The following KCTD1 variants were observed in gnomAD, a reference collection of about 807,000 sequenced individuals.
The protein encoded by KCTD1 is BTB/POZ domain-containing protein KCTD1.
A neutral mutation model predicts 66.0 loss-of-function variants in KCTD1; 24 were observed. The observed-to-expected ratio is 0.36, with a 90% CI of 0.26 to 0.51. The LOEUF is 0.51. Ranked by LOEUF, KCTD1 falls within the 20% of genes least tolerant of loss-of-function variation. The pLI is 0.95. For synonymous variants in KCTD1, 511 were observed against 517.2 expected (o/e 0.99, Z 0.16); for missense variants, 943 against 1,205.2 (o/e 0.78, Z 3.22).
At chr18:26,535,962 T>G (rs1350424682) in intron 1 of KCTD1, among the ~76,000 whole-genome samples, 3 of 96,446 alleles carry the variant, frequency 3.1e-5, no homozygotes, top group Non-Finnish European at 6.0e-5. Flanking sequence ...CAAGACTGAG[T>G]GATTCCTCCA....
chr18:26,651,055 C>A (rs1024339601), intron 1 of KCTD1, among the ~76,000 whole-genome samples: 2 of 152,224 alleles, frequency 1.3e-5, no homozygotes, highest in Non-Finnish European at 2.9e-5. Context: ...GAGATAGAGA[C>A]CAATTCACAT....
intron 1 of KCTD1, among the ~76,000 whole-genome samples, chr18:26,539,574 AAC>A (rs1304754128): frequency 2.6e-5 from 4 of 152,222 alleles, no homozygotes; most frequent in African/African-American, 9.6e-5. Flanking sequence ...TTTATATCAG[AAC>A]TCTCCAATGA....
chr18:26,548,503 T>C lies in KCTD1; in HGVS notation c.34A>G (p.Thr12Ala), dbSNP rs906971096. 40 of 1,170,218 alleles carry C rather than the reference T, an allele frequency of 3.4e-5. No individual in the cohort carries two copies. Among genetic ancestry groups the C allele is most frequent in the Admixed American group, 4.8e-5 (1 of 20,886 alleles). The allele number at this position is 1,170,218 out of a possible 1,614,324, so 72.5% of individuals were successfully genotyped here. A position where few individuals can be genotyped will look rare whatever the true frequency, so the allele number is the denominator to read the frequency against. ...ARMPGSGDCN[T>A]SAGGSASAAA... Reference sequence around the variant, plus strand: ...GCGCTGGCGCTGCCGCCCGCGCTGGTGTTACAGTCCCCGCTGCCAGGCATT... The same window carrying C: ...GCGCTGGCGCTGCCGCCCGCGCTGGCGTTACAGTCCCCGCTGCCAGGCATT... The change falls in exon 1 of 5, where the codon ACC (threonine) becomes GCC (alanine). Residue 12 changes from threonine to alanine, a missense_variant. By Grantham distance (58) the Thr-to-Ala change is moderately conservative. Transcript: ENST00000580059.
At chr18:26,631,347 C>T (rs1036378775), upstream of KCTD1, among the ~76,000 whole-genome samples, 5 of 152,202 alleles carry the variant, frequency 3.3e-5, no homozygotes, top group Admixed American at 6.5e-5. Context: ...TTATAGCCTG[C>T]TCCACATTTA....
chr18:26,628,019 T>A (rs1172282929), intron 1 of KCTD1, among the ~76,000 whole-genome samples: 1 of 152,170 alleles, frequency 6.6e-6, no homozygotes, highest in Non-Finnish European at 1.5e-5. Flanking sequence ...CACCATGTGA[T>A]CTGCCAGGAG....
At chr18:26,604,699 A>C (rs977423286) in intron 1 of KCTD1, among the ~76,000 whole-genome samples, 1 of 151,884 alleles carries the variant, frequency 6.6e-6, no homozygotes, top group Non-Finnish European at 1.5e-5. Flanking sequence ...AGAACTCATG[A>C]ACACAAAGAA....
At chr18:26,467,766 G>C (rs1980824892) in intron 3 of KCTD1, among the ~76,000 whole-genome samples, 1 of 152,048 alleles carries the variant, frequency 6.6e-6, no homozygotes, top group African/African-American at 2.4e-5. Flanking sequence ...AGTGAGCCGA[G>C]ATTGCACCAT....
chr18:26,551,494 G>T (rs551428799), upstream of KCTD1, among the ~76,000 whole-genome samples: 1 of 152,020 alleles, frequency 6.6e-6, no homozygotes, highest in Non-Finnish European at 1.5e-5. Flanking sequence ...GATCTGCTTC[G>T]TTGCACCAGC....
intron 1 of KCTD1, among the ~76,000 whole-genome samples, chr18:26,528,655 A>G (rs890558377): frequency 1.3e-5 from 2 of 152,112 alleles, no homozygotes; most frequent in Non-Finnish European, 2.9e-5. Flanking sequence ...TCTCGCCAAT[A>G]TGGCTTCTGC....
chr18:26,462,532 T>A (rs71362643), intron 3 of KCTD1, among the ~76,000 whole-genome samples: 12,644 of 152,280 alleles, frequency 0.083, 576 homozygotes, highest in Middle Eastern at 0.14. Flanking sequence ...CTGCTCATCA[T>A]GCTGCCTTGC....
At chr18:26,598,878 T>TA (rs1986828263) in intron 1 of KCTD1, among the ~76,000 whole-genome samples, 1 of 152,214 alleles carries the variant, frequency 6.6e-6, no homozygotes, top group South Asian at 2.1e-4. Context: ...GGGTTCTTTA[T>TA]ATATTCGCAA....
At chr18:26,553,242 G>C (rs1650893254), upstream of KCTD1, among the ~76,000 whole-genome samples, 2 of 152,076 alleles carry the variant, frequency 1.3e-5, no homozygotes, top group South Asian at 4.1e-4. Flanking sequence ...CACCACTCCT[G>C]TCTCAGAGTT....
At chr18:26,570,797 T>C (rs1407096116) in intron 1 of KCTD1, among the ~76,000 whole-genome samples, 2 of 152,202 alleles carry the variant, frequency 1.3e-5, no homozygotes, top group Non-Finnish European at 2.9e-5. Flanking sequence ...TGTAAGTTGA[T>C]GAATTGTGTT....
chr18:26,656,761 C>T (rs576773924), intron 1 of KCTD1, among the ~76,000 whole-genome samples: 78 of 151,332 alleles, frequency 5.2e-4, no homozygotes, highest in African/African-American at 1.8e-3. Flanking sequence ...GGCGCCGCCG[C>T]CCCCTGCGCG....
At chr18:26,576,348 T>C (rs1567998601) in intron 1 of KCTD1, among the ~76,000 whole-genome samples, 1 of 152,242 alleles carries the variant, frequency 6.6e-6, no homozygotes, top group Non-Finnish European at 1.5e-5. Context: ...TCATCCATAT[T>C]CTACTCCCTT....
intron 2 of KCTD1, among the ~76,000 whole-genome samples, chr18:26,496,074 G>A (rs767858380): frequency 1.3e-5 from 2 of 152,024 alleles, no homozygotes; most frequent in Non-Finnish European, 2.9e-5. Context: ...CATATAATAT[G>A]GTACCAATAT....
At chr18:26,576,579 GA>G in intron 1 of KCTD1, among the ~76,000 whole-genome samples, 1 of 152,200 alleles carries the variant, frequency 6.6e-6, no homozygotes, top group African/African-American at 2.4e-5. Flanking sequence ...ATACAGAGGG[GA>G]AAAAATGAAC....
intron 1 of KCTD1, among the ~76,000 whole-genome samples, chr18:26,602,308 A>G (rs1001667179): frequency 1.3e-5 from 2 of 152,170 alleles, no homozygotes; most frequent in African/African-American, 4.8e-5. Context: ...GATAAATCTC[A>G]TTTGATCATG....
chr18:26,505,943 T>C (rs1055227107), intron 1 of KCTD1, among the ~76,000 whole-genome samples: 5 of 152,102 alleles, frequency 3.3e-5, no homozygotes, highest in African/African-American at 1.2e-4. Context: ...TGGCATGATC[T>C]CAGCTCAGTG....
Sources: allele counts gnomAD v4.1 joint callset (sites outside exome capture counted in the v4.1 genomes callset), GRCh38; gene constraint gnomAD v4.1.1; transcripts MANE v1.5; gene names NCBI Gene and HGNC (gene_info 2026-07-23, HGNC 2026-07-21).